Variants in ZGRF1 observed in about 807,000 individuals in gnomAD.
ZGRF1 encodes 5'-3' DNA helicase ZGRF1.
ZGRF1 carries 196 observed loss-of-function variants against 203.5 expected under a neutral mutation model. The ratio of observed to expected loss-of-function variants is 0.96; its 90% CI spans 0.86 to 1.08. The LOEUF is 1.08. ZGRF1 is among the 50% of genes least tolerant of loss of function. The probability of loss-of-function intolerance (pLI) is 0.00; values close to 1 mark genes in which losing one functional copy is unlikely to be tolerated. For missense variants in ZGRF1, 2,326 were observed against 2,416.3 expected, an observed-to-expected ratio of 0.96 and a Z score of 0.78; for synonymous variants, 809 against 841.3, an observed-to-expected ratio of 0.96 and a Z score of 0.66.
intron 16 of ZGRF1, among the ~76,000 whole-genome samples, chr4:112,575,584 C>T (rs1745033332): frequency 6.6e-6 from 1 of 152,206 alleles, no homozygotes; most frequent in Non-Finnish European, 1.5e-5. Context: ...CACTCTAATA[C>T]TGCGCTTTTC....
At position 112,548,259 on chromosome 4, in the gene ZGRF1, A is replaced by G; in HGVS notation, c.5468T>C (p.Ile1823Thr). 6.4e-7 allele frequency: 1 copy of G among 1,552,134 alleles called. No individual in the cohort carries two copies. Among genetic ancestry groups the G allele is most frequent in the Non-Finnish European group, 8.7e-7 (1 of 1,147,020 alleles). Reference sequence around the variant, plus strand: ...AAAGAATCTTTTAGGTTACCTTGCAATGGGAAGGAGAGAGGCCGGTTCAGT... The same window carrying G: ...AAAGAATCTTTTAGGTTACCTTGCAGTGGGAAGGAGAGAGGCCGGTTCAGT... ...QITEPASLLP[I>T]ARFECEKLIL... The change falls in exon 23 of 28, where the codon ATT (isoleucine) becomes ACT (threonine). Residue 1823 changes from isoleucine to threonine, a missense_variant. Ile to Thr is a moderately conservative substitution (Grantham distance 89). Transcript: ENST00000505019.
chr4:112,596,989 G>A (rs193092496), intron 10 of ZGRF1, among the ~76,000 whole-genome samples: 8 of 152,026 alleles, frequency 5.3e-5, no homozygotes, highest in East Asian at 3.9e-4. Flanking sequence ...TGAGACAGGC[G>A]GATCACTTAA....
intron 16 of ZGRF1, chr4:112,565,118 C>G: frequency 7.1e-7 from 1 of 1,398,996 alleles, no homozygotes; most frequent in South Asian, 1.2e-5. Flanking sequence ...CGTTACAGGC[C>G]TGGTACTGTG....
chr4:112,558,086 G>A, intron 20 of ZGRF1, 64 bp downstream of exon 20: 2 of 1,359,490 alleles, frequency 1.5e-6, no homozygotes, highest in Non-Finnish European at 2.0e-6. Flanking sequence ...AGGGCCCATA[G>A]TGGGTTGCCT....
chr4:112,613,328 C>CT (rs1213535286), intron 6 of ZGRF1, among the ~76,000 whole-genome samples: 1 of 152,048 alleles, frequency 6.6e-6, no homozygotes, highest in Admixed American at 6.6e-5. Flanking sequence ...CATGCTATTT[C>CT]TAGTCTATCT....
At chr4:112,565,137 T>C in intron 16 of ZGRF1, 1 of 1,431,390 alleles carries the variant, frequency 7.0e-7, no homozygotes. Flanking sequence ...TGGCGCTCCG[T>C]GAAATTAGAT....
At chr4:112,542,190 T>G (rs901981077) in intron 24 of ZGRF1, among the ~76,000 whole-genome samples, 51 of 152,132 alleles carry the variant, frequency 3.4e-4, no homozygotes, top group African/African-American at 1.1e-3. Flanking sequence ...AAAAATTTAA[T>G]AATTAGCCAA....
At chr4:112,565,244 A>G (rs1365096147) in intron 16 of ZGRF1, 4 of 1,593,378 alleles carry the variant, frequency 2.5e-6, no homozygotes, top group Non-Finnish European at 2.6e-6. Context: ...CTGCACTTCC[A>G]GAGCGCAGCT....
At position 112,551,614 on chromosome 4, in the gene ZGRF1, T is replaced by G. The variant is rs546483359; in HGVS notation, c.5346+2221A>C. 8.5e-5 allele frequency among the ~76,000 whole-genome samples: 13 copies of G among 152,312 alleles called. 1 individual carries two copies. The highest frequency in any genetic ancestry group is 3.4e-3 in the Middle Eastern group (1 of 294). On this transcript the variant is annotated intron_variant, in intron 22 of 27. Transcript: ENST00000505019. ...TTGTTAAAAACAAAAACAAAAATCT[T>G]AAAGCCACATTTATATCAGAAATTC...
chr4:112,587,784 T>C lies in ZGRF1; in HGVS notation c.3273A>G (p.Thr1091=). ...DSHSYMINSN[T]YESSGSPMLN... ...GCATGGGGGAGCCAGAAGACTCGTA[T>C]GTGTTAGAGTTGATCATATACGAAT... The change falls in exon 12 of 28, where the codon ACA becomes ACG. Residue 1091 remains threonine, a synonymous_variant. Coordinates refer to ENST00000505019, the MANE Select transcript of ZGRF1 (RefSeq NM_018392.5). 2 of 1,552,980 alleles carry C rather than the reference T, an allele frequency of 1.3e-6. No individual in the cohort carries two copies. Among genetic ancestry groups the C allele is most frequent in the Non-Finnish European group, 1.7e-6 (2 of 1,147,474 alleles).
intron 16 of ZGRF1, among the ~76,000 whole-genome samples, chr4:112,564,818 T>C (rs1435350755): frequency 6.6e-6 from 1 of 152,224 alleles, no homozygotes; most frequent in Non-Finnish European, 1.5e-5. Flanking sequence ...AAAACATACA[T>C]AATGTTCCTG....
chr4:112,597,920 A>T (rs868450635), intron 10 of ZGRF1, among the ~76,000 whole-genome samples: 6 of 150,830 alleles, frequency 4.0e-5, no homozygotes, highest in Middle Eastern at 3.5e-3. Flanking sequence ...AAAAAAAAAA[A>T]AAAAGAATAA....
chr4:112,622,170 T>C (rs1170875415), intron 4 of ZGRF1, among the ~76,000 whole-genome samples: 1 of 152,066 alleles, frequency 6.6e-6, no homozygotes, highest in Non-Finnish European at 1.5e-5. Flanking sequence ...AAATGAATAT[T>C]ATGGCCAAAA....
chr4:112,632,995 G>A (rs1430143960), intron 2 of ZGRF1, among the ~76,000 whole-genome samples, 161 bp downstream of exon 2: 1 of 152,222 alleles, frequency 6.6e-6, no homozygotes, highest in Non-Finnish European at 1.5e-5. Flanking sequence ...GCTAAAAAAG[G>A]TATGCATTGT....
chr4:112,609,205 C>A (rs1017103977), intron 8 of ZGRF1, among the ~76,000 whole-genome samples, 174 bp downstream of exon 8: 1 of 151,842 alleles, frequency 6.6e-6, no homozygotes, highest in Non-Finnish European at 1.5e-5. Flanking sequence ...AGGTACCTGC[C>A]ACCACGCCCA....
chr4:112,609,870 G>A (rs964749991), intron 7 of ZGRF1, among the ~76,000 whole-genome samples: 1 of 152,118 alleles, frequency 6.6e-6, no homozygotes, highest in Non-Finnish European at 1.5e-5. Context: ...GCCAGGCATT[G>A]TGGCTCACAC....
At position 112,541,273 on chromosome 4, in the gene ZGRF1, G is replaced by A. The variant is rs2148804772; in HGVS notation, c.5599-5C>T. 3 of 1,490,606 alleles carry A rather than the reference G, an allele frequency of 2.0e-6. No homozygotes were observed. In the East Asian group the frequency reaches 6.9e-5, roughly 34 times the overall value. 92.3% of individuals were successfully genotyped at this position (1,490,606 alleles called of 1,614,324 possible). A position where few individuals can be genotyped will look rare whatever the true frequency, so the allele number is the denominator to read the frequency against. ...CAATAGAATTGGCTTGTGACCCTAA[G>A]AAATTTAAATGAAGAAAAATAAAAC... is the stretch of plus-strand genomic sequence containing the variant. On this transcript the variant is annotated splice_region_variant and splice_polypyrimidine_tract_variant and intron_variant, in intron 24 of 27. Coordinates refer to ENST00000505019, the MANE Select transcript of ZGRF1 (RefSeq NM_018392.5).
At position 112,553,904 on chromosome 4, in the gene ZGRF1, C is replaced by T. The variant is rs150527612; in HGVS notation, c.5277G>A (p.Thr1759=). ...HALMKEDLTP[T]ERVYVRKSIE... ...TGCTTTTTCTCACATAGACTCTTTCCGTAGGAGTCAGGTCTTCTTTCATTA... is the reference window on the plus strand; with the variant it reads ...TGCTTTTTCTCACATAGACTCTTTCTGTAGGAGTCAGGTCTTCTTTCATTA... The change falls in exon 22 of 28, where the codon ACG becomes ACA. Residue 1759 remains threonine, a synonymous_variant. Transcript: ENST00000505019. 202 of 1,613,622 alleles carry T rather than the reference C, an allele frequency of 1.3e-4. No individual in the cohort carries two copies. The highest frequency in any genetic ancestry group is 1.6e-4 in the Non-Finnish European group (183 of 1,179,734).
intron 16 of ZGRF1, among the ~76,000 whole-genome samples, chr4:112,569,697 T>C (rs2148934210): frequency 6.6e-6 from 1 of 152,280 alleles, no homozygotes; most frequent in African/African-American, 2.4e-5. Flanking sequence ...ACAAAAATAA[T>C]TTAAGATTAA....
Sources: allele counts gnomAD v4.1 joint callset (sites outside exome capture counted in the v4.1 genomes callset), GRCh38; gene constraint gnomAD v4.1.1; transcripts MANE v1.5; gene names NCBI Gene and HGNC (gene_info 2026-07-23, HGNC 2026-07-21).